KIAA1671: variants seen among roughly 807,000 people sequenced by gnomAD.
The protein encoded by KIAA1671 is KIAA1671.
A neutral mutation model predicts 131.2 loss-of-function variants in KIAA1671; 52 were observed. The ratio of observed to expected loss-of-function variants is 0.40; its 90% CI spans 0.32 to 0.50. The LOEUF (loss-of-function observed/expected upper bound fraction) is 0.50. KIAA1671 is among the 20% of genes least tolerant of loss of function. The pLI is 0.73. For synonymous variants in KIAA1671, 1,003 were observed against 961.6 expected (o/e 1.04, Z -0.80); for missense variants, 2,360 against 2,364.2 (o/e 1.00, Z 0.04).
chr22:25,039,398 G>A lies in KIAA1671; in HGVS notation c.2268G>A (p.Ala756=), dbSNP rs1926792827. 51 of 1,551,674 alleles carry A rather than the reference G, an allele frequency of 3.3e-5. No homozygotes were observed. The highest frequency in any genetic ancestry group is 4.0e-5 in the Non-Finnish European group (46 of 1,147,038). Residue 756 remains alanine, a synonymous_variant, in exon 5 of 13, where the codon GCG becomes GCA. Coordinates refer to ENST00000358431, the MANE Select transcript of KIAA1671 (RefSeq NM_001145206.2). Reference sequence around the variant, plus strand: ...TCTCACCGGCACCGGAGGAGAAAGCGGTCACGCTCCGCAGCCTCAGGTCTT... The same window carrying A: ...TCTCACCGGCACCGGAGGAGAAAGCAGTCACGCTCCGCAGCCTCAGGTCTT... ...EAISPAPEEK[A]VTLRSLRSWL... is the part of the protein sequence containing the mutation.
At chr22:25,157,840 C>A (rs1273152536) in intron 6 of KIAA1671, among the ~76,000 whole-genome samples, 1 of 146,700 alleles carries the variant, frequency 6.8e-6, no homozygotes, top group Non-Finnish European at 1.5e-5. Flanking sequence ...TTTTTTTATT[C>A]AGATGGAGTC....
chr22:25,085,044 C>G (rs1929631492), intron 6 of KIAA1671, among the ~76,000 whole-genome samples: 1 of 152,224 alleles, frequency 6.6e-6, no homozygotes, highest in Non-Finnish European at 1.5e-5. Context: ...CTGGGCCATG[C>G]AGTGACAAGG....
intron 1 of KIAA1671, among the ~76,000 whole-genome samples, chr22:24,957,172 C>T (rs1172818557): frequency 6.6e-6 from 1 of 152,066 alleles, no homozygotes; most frequent in African/African-American, 2.4e-5. Context: ...GTGCTTTGCT[C>T]AACCTGGTGT....
Position 25,041,430 on chromosome 22 carries a change from G to C in KIAA1671, c.4300G>C (p.Glu1434Gln). ...GCATGAAGCCAGAGAGAGGAGGCGA[G>C]AGCAGCCCAAAGGGAGGCCCAGCCT... is the stretch of plus-strand genomic sequence containing the variant. Reference protein sequence around the residue: ...IMHEARERRREQPKGRPSLTG... With the variant: ...IMHEARERRRQQPKGRPSLTG... Residue 1434 changes from glutamate (E) to glutamine (Q), a missense_variant, in exon 5 of 13, where the codon GAG becomes CAG. Coordinates refer to ENST00000358431, the MANE Select transcript of KIAA1671 (RefSeq NM_001145206.2). The C allele has an allele frequency of 6.4e-7, 1 of 1,551,790 alleles. No homozygotes were observed. Among genetic ancestry groups the C allele is most frequent in the Non-Finnish European group, 8.7e-7 (1 of 1,147,026 alleles).
intron 1 of KIAA1671, among the ~76,000 whole-genome samples, chr22:24,978,257 G>A (rs555277326): frequency 6.6e-6 from 1 of 152,130 alleles, no homozygotes; most frequent in Admixed American, 6.5e-5. Context: ...TAGTGATTAA[G>A]TCTCACGAGA....
Position 25,170,835 on chromosome 22 carries a change from T to C in KIAA1671, c.4546T>C (p.Cys1516Arg), listed in dbSNP as rs1332525388. The change falls in exon 7 of 13, where the codon TGT becomes CGT. Residue 1516 changes from cysteine to arginine, a missense_variant. Cys to Arg is a radical substitution (Grantham distance 180). Transcript: ENST00000358431. The stretch of plus-strand genomic sequence containing the variant: ...GTCTTTGCAGGACCAGCTGAAGCAG[T>C]GTTTCTCCCGGCAGCCCACTGAACC... ...SGPFVDQLKQ[C>R]FSRQPTEPKD... 6.4e-7 allele frequency: 1 copy of C among 1,551,468 alleles called. No individual in the cohort carries two copies. The highest frequency in any genetic ancestry group is 2.4e-5 in the East Asian group (1 of 40,918).
intron 5 of KIAA1671, among the ~76,000 whole-genome samples, chr22:25,048,514 T>C (rs954349792): frequency 3.9e-5 from 6 of 152,190 alleles, no homozygotes; most frequent in Non-Finnish European, 7.3e-5. Flanking sequence ...CTCTTCCTGG[T>C]GCTGTGTGTT....
chr22:25,134,795 C>T (rs2145950475), intron 6 of KIAA1671, among the ~76,000 whole-genome samples: 1 of 152,288 alleles, frequency 6.6e-6, no homozygotes, highest in South Asian at 2.1e-4. Flanking sequence ...CACCACTTGC[C>T]AGCTCTGTAA....
At chr22:24,992,694 A>T (rs1420146439) in intron 1 of KIAA1671, among the ~76,000 whole-genome samples, 1 of 151,506 alleles carries the variant, frequency 6.6e-6, no homozygotes, top group Admixed American at 6.6e-5. Flanking sequence ...GCATGCCTAT[A>T]GTCCCAGCTA....
rs1555949465 is a variant in KIAA1671 at position 24,979,358 on chromosome 22, A to ATTTATTTT, written c.-208+26589_-208+26590insATTTTTTT. Among the ~76,000 whole-genome samples the ATTTATTTT allele has an allele frequency of 4.8e-5, 6 of 125,330 alleles. No homozygotes were observed. The East Asian group carries it at 9.1e-4, about 19-fold the overall frequency. The allele number at this position is 125,330 out of a possible 152,430, so 82.2% of individuals were successfully genotyped here. On this transcript the variant is annotated intron_variant, in intron 1 of 12. Coordinates refer to ENST00000358431, the MANE Select transcript of KIAA1671 (RefSeq NM_001145206.2). ...ATTTTATTTATTTATTTATTTATTT[A>ATTTATTTT]TTTTTTTTTGAGACGGAGTCTCGCT...
chr22:24,988,731 A>G (rs1173552005), intron 1 of KIAA1671, among the ~76,000 whole-genome samples: 1 of 102,402 alleles, frequency 9.8e-6, no homozygotes, highest in Non-Finnish European at 1.8e-5. Flanking sequence ...GCGAGACTCC[A>G]TCTCAAAAAA....
intron 6 of KIAA1671, among the ~76,000 whole-genome samples, chr22:25,109,252 G>T (rs1215188594): frequency 6.6e-6 from 1 of 152,100 alleles, no homozygotes; most frequent in Non-Finnish European, 1.5e-5. Context: ...TGGTATTACA[G>T]GTGCCTGCCA....
At position 25,029,508 on chromosome 22, in the gene KIAA1671, G is replaced by A; in HGVS notation, c.1509G>A (p.Gln503=). ...AKPEVRRRTF[Q]ARPLSADLTK... The stretch of plus-strand genomic sequence containing the variant: ...CCGAGGTCAGGAGGAGGACGTTCCA[G>A]GCTCGGCCGCTGTCGGCGGATTTGA... Residue 503 remains glutamine, a synonymous_variant, in exon 3 of 13, where the codon CAG becomes CAA. Coordinates refer to ENST00000358431, the MANE Select transcript of KIAA1671 (RefSeq NM_001145206.2). 1.3e-6 allele frequency: 2 copies of A among 1,548,714 alleles called. No homozygotes were observed. Among genetic ancestry groups the A allele is most frequent in the South Asian group, 2.4e-5 (2 of 83,916 alleles).
chr22:24,997,288 G>T (rs140010756), intron 1 of KIAA1671, among the ~76,000 whole-genome samples: 43 of 152,252 alleles, frequency 2.8e-4, no homozygotes, highest in Non-Finnish European at 5.6e-4. Flanking sequence ...GGAAGAAGTG[G>T]TATCTAATTA....
chr22:25,122,825 A>G lies in KIAA1671; in HGVS notation c.4531-47995A>G, dbSNP rs147170965. 4.1e-3 allele frequency among the ~76,000 whole-genome samples: 624 copies of G among 152,076 alleles called. 3 individuals carry two copies. Among genetic ancestry groups the G allele is most frequent in the African/African-American group, 0.015 (602 of 41,498 alleles). On this transcript the variant is annotated intron_variant, in intron 6 of 12. Coordinates refer to ENST00000358431, the MANE Select transcript of KIAA1671 (RefSeq NM_001145206.2). ...CCGTCTCTACTAAAAACACAAAAACATTAGCCAGGCGTGATGGTGGGCGCC... is the reference window on the plus strand; with the variant it reads ...CCGTCTCTACTAAAAACACAAAAACGTTAGCCAGGCGTGATGGTGGGCGCC...
chr22:25,004,598 CTTTT>C (rs1569203791), intron 1 of KIAA1671, among the ~76,000 whole-genome samples: 2 of 152,202 alleles, frequency 1.3e-5, no homozygotes, highest in African/African-American at 4.8e-5. Flanking sequence ...TTAAAACTCA[CTTTT>C]AATTGTATTT....
intron 6 of KIAA1671, chr22:25,052,831 C>T (rs1184628614): frequency 6.6e-6 from 1 of 152,266 alleles, no homozygotes; most frequent in African/African-American, 2.4e-5. Context: ...ATTCTCGTGC[C>T]TCAGCCTGCT....
chr22:25,099,112 A>G (rs1930527123), intron 6 of KIAA1671, among the ~76,000 whole-genome samples: 1 of 152,240 alleles, frequency 6.6e-6, no homozygotes, highest in Non-Finnish European at 1.5e-5. Context: ...CCTCCAAGTC[A>G]GACTTTGCCA....
At chr22:25,143,940 G>A (rs1329472021) in intron 6 of KIAA1671, among the ~76,000 whole-genome samples, 1 of 152,098 alleles carries the variant, frequency 6.6e-6, no homozygotes, top group Non-Finnish European at 1.5e-5. Flanking sequence ...GGAAGCTGAG[G>A]TGGGAGGATC....
Sources: allele counts gnomAD v4.1 joint callset (sites outside exome capture counted in the v4.1 genomes callset), GRCh38; gene constraint gnomAD v4.1.1; transcripts MANE v1.5; gene names NCBI Gene and HGNC (gene_info 2026-07-23, HGNC 2026-07-21).